The following ATXN2 variants were observed in gnomAD, a reference collection of about 807,000 sequenced individuals.
ATXN2 encodes ataxin 2.
In ATXN2, 37 loss-of-function variants were observed where a neutral mutation model predicts 138.6. The ratio of observed to expected loss-of-function variants is 0.27; its 90% confidence interval spans 0.21 to 0.35. The LOEUF is 0.35. Ranked by LOEUF, ATXN2 falls within the 10% of genes least tolerant of loss-of-function variation. ATXN2 has a pLI of 1.00. For missense variants in ATXN2, 1,216 were observed against 1,480.3 expected (o/e 0.82, Z 2.93); for synonymous variants, 549 against 543.7 (o/e 1.01, Z -0.13).
In ATXN2 at chr12:111,571,387, A is replaced by G. The variant is rs144805250; in HGVS notation, c.252-15468T>C. On this transcript the variant is annotated intron_variant, in intron 1 of 24. Coordinates refer to ENST00000673436, the MANE Select transcript of ATXN2 (RefSeq NM_001372574.1). ...AATTTATAGTAAGCTACTACTGAAT[A>G]AGAAAGCTAACTTGTACTAGACAAA... is the stretch of plus-strand genomic sequence containing the variant. Among the ~76,000 whole-genome samples, 405 of 152,328 alleles carry G rather than the reference A, an allele frequency of 2.7e-3. 6 individuals are homozygous for G. Among genetic ancestry groups the G allele is most frequent in the African/African-American group, 9.5e-3 (395 of 41,560 alleles).
chr12:111,485,887 C>T lies in ATXN2; in HGVS notation c.2305-22G>A, dbSNP rs757615332. On this transcript the variant is annotated intron_variant, in intron 16 of 24. Coordinates refer to ENST00000673436, the MANE Select transcript of ATXN2 (RefSeq NM_001372574.1). ...TTGGCTACAAAAACAACAATAAATT[C>T]AATTATCTCAAGGTAACAGATGAAC... 11 of 1,610,540 alleles carry T rather than the reference C, an allele frequency of 6.8e-6. No homozygotes were observed. In the South Asian group the frequency reaches 8.8e-5, roughly 13 times the overall value.
chr12:111,574,451 A>C (rs1592917622), intron 1 of ATXN2, among the ~76,000 whole-genome samples: 1 of 151,120 alleles, frequency 6.6e-6, no homozygotes, highest in East Asian at 1.9e-4. Flanking sequence ...GTGGGGGGAT[A>C]GGGTCTCACT....
At chr12:111,541,868 C>T (rs904672186) in intron 5 of ATXN2, among the ~76,000 whole-genome samples, 3 of 147,694 alleles carry the variant, frequency 2.0e-5, no homozygotes, top group South Asian at 2.1e-4. Context: ...CCTCCACCTA[C>T]GGGGTTCGAG....
chr12:111,487,125 T>C (rs1286314113), intron 15 of ATXN2, among the ~76,000 whole-genome samples: 3 of 152,088 alleles, frequency 2.0e-5, no homozygotes, highest in Admixed American at 6.6e-5. Context: ...GTTGCTCAGG[T>C]TGGAGTGCAG....
intron 1 of ATXN2, among the ~76,000 whole-genome samples, chr12:111,591,398 A>G (rs1175449165): frequency 6.6e-6 from 1 of 152,118 alleles, no homozygotes; most frequent in African/African-American, 2.4e-5. Flanking sequence ...GGCTCGGTGC[A>G]GTGGCTCACA....
chr12:111,556,311 G>C (rs528583891), intron 1 of ATXN2, among the ~76,000 whole-genome samples: 1 of 152,258 alleles, frequency 6.6e-6, no homozygotes, highest in South Asian at 2.1e-4. Context: ...AGGAGTCTGA[G>C]GCTGCAGTAG....
intron 15 of ATXN2, among the ~76,000 whole-genome samples, chr12:111,487,996 G>T (rs1877754368): frequency 6.6e-6 from 1 of 152,254 alleles, no homozygotes; most frequent in Non-Finnish European, 1.5e-5. Flanking sequence ...TTAATATACT[G>T]AATGTGCAGA....
chr12:111,533,998 C>A (rs1422406638), intron 5 of ATXN2, among the ~76,000 whole-genome samples: 7 of 150,700 alleles, frequency 4.6e-5, no homozygotes, highest in African/African-American at 9.8e-5. Context: ...GGTATCATGC[C>A]TATGTAAGAG....
At chr12:111,556,624 T>C (rs1329206999) in intron 1 of ATXN2, among the ~76,000 whole-genome samples, 2 of 152,044 alleles carry the variant, frequency 1.3e-5, no homozygotes, top group African/African-American at 4.8e-5. Flanking sequence ...GAGACCATCC[T>C]GGCTAACACA....
Position 111,464,653 on chromosome 12 carries a change from C to G in ATXN2, c.2896+9G>C, listed in dbSNP as rs146675377. The stretch of plus-strand genomic sequence containing the variant: ...ACAATTAAAAATTAGTATAAAAAAC[C>G]CAACTCACTGGCAAAGTAGAAAGAA... On this transcript the variant is annotated intron_variant, in intron 21 of 24. Coordinates refer to ENST00000673436, the MANE Select transcript of ATXN2 (RefSeq NM_001372574.1). The G allele has an allele frequency of 6.2e-7, 1 of 1,602,828 alleles. No individual in the cohort carries two copies.
chr12:111,522,767 A>G (rs1206536942), intron 6 of ATXN2, among the ~76,000 whole-genome samples: 1 of 151,966 alleles, frequency 6.6e-6, no homozygotes, highest in African/African-American at 2.4e-5. Context: ...ACAAAAAATT[A>G]GCCAGATGTG....
chr12:111,553,933 T>G (rs1882257382), intron 3 of ATXN2, among the ~76,000 whole-genome samples: 1 of 152,096 alleles, frequency 6.6e-6, no homozygotes, highest in African/African-American at 2.4e-5. Flanking sequence ...CAAGGTTGGC[T>G]GAATCCATGA....
intron 20 of ATXN2, among the ~76,000 whole-genome samples, chr12:111,467,803 T>A (rs1355222865): frequency 6.6e-6 from 1 of 152,218 alleles, no homozygotes; most frequent in Non-Finnish European, 1.5e-5. Context: ...ATGAAAATCA[T>A]CTGTACCTCA....
chr12:111,480,597 T>G (rs1253602403), intron 18 of ATXN2, among the ~76,000 whole-genome samples: 1 of 152,070 alleles, frequency 6.6e-6, no homozygotes, highest in Non-Finnish European at 1.5e-5. Context: ...ATCGCTTGAA[T>G]CTGAGAGGCG....
Position 111,510,451 on chromosome 12 carries a change from T to A in ATXN2, c.1690A>T (p.Ile564Phe), listed in dbSNP as rs200984660. 1.2e-6 allele frequency: 2 copies of A among 1,614,140 alleles called. No homozygotes were observed. The highest frequency in any genetic ancestry group is 2.2e-5 in the South Asian group (2 of 91,082). ...GCAGGCGTAGGAGATGCAGCTGGAA[T>A]AGGCATGGCAACAGCTTCAGTTGGA... ...IIPTEAVAMP[I>F]PAASPTPASP... Residue 564 changes from isoleucine (I) to phenylalanine (F), a missense_variant, in exon 12 of 25, where the codon ATT becomes TTT. Physicochemically the swap from Ile to Phe is conservative, Grantham distance 21. Around this residue, in one of 4 missense-constraint regions of ATXN2, gnomAD observed 215 missense variants for 210.0 expected, o/e 1.02. Transcript: ENST00000673436.
chr12:111,534,983 C>G (rs1440017723), intron 5 of ATXN2, among the ~76,000 whole-genome samples: 1 of 151,478 alleles, frequency 6.6e-6, no homozygotes, highest in East Asian at 1.9e-4. Context: ...AAAAACTAAA[C>G]TAAAAAAAAC....
At chr12:111,504,908 A>G (rs1428544100) in intron 14 of ATXN2, among the ~76,000 whole-genome samples, 3 of 152,170 alleles carry the variant, frequency 2.0e-5, no homozygotes, top group Non-Finnish European at 4.4e-5. Context: ...ACCCCCAGAG[A>G]GGGCTCTTGG....
At chr12:111,520,186 A>AAAAACT in intron 7 of ATXN2, 110 bp from the exon 8 acceptor site, 1 of 1,342,734 alleles carries the variant, frequency 7.4e-7, no homozygotes, top group African/African-American at 1.5e-5. Flanking sequence ...TGGTAAAAAC[A>AAAAACT]GAAACTAAAA....
At chr12:111,464,349 G>T (rs1875840467) in intron 21 of ATXN2, among the ~76,000 whole-genome samples, 1 of 150,898 alleles carries the variant, frequency 6.6e-6, no homozygotes, top group Non-Finnish European at 1.5e-5. Context: ...GTGTGTGTGT[G>T]TGTGTGTGTG....
Sources: allele counts gnomAD v4.1 joint callset (sites outside exome capture counted in the v4.1 genomes callset), GRCh38; gene constraint gnomAD v4.1.1; regional missense constraint gnomAD v4.1.1; transcripts MANE v1.5; gene names NCBI Gene and HGNC (gene_info 2026-07-23, HGNC 2026-07-21).